Variants in NTRK1 observed in about 807,000 individuals in gnomAD.
NTRK1 encodes high affinity nerve growth factor receptor.
Under a neutral mutation model 86.8 loss-of-function variants are expected in NTRK1, and 62 were observed. The observed-to-expected ratio is 0.71, with a 90% CI of 0.58 to 0.88. The LOEUF is 0.88. NTRK1 is among the 40% of genes least tolerant of loss of function. The probability of loss-of-function intolerance (pLI) is 0.00; values close to 1 mark genes in which losing one functional copy is unlikely to be tolerated. For synonymous variants in NTRK1, 469 were observed against 456.6 expected (o/e 1.03, Z -0.35); for missense variants, 967 against 1,078.4 (o/e 0.90, Z 1.45).
In NTRK1 at chr1:156,845,307, C is replaced by A. The variant is rs777858591; in HGVS notation, c.50+3114C>A. On this transcript the variant is annotated intron_variant, in intron 2 of 16. Coordinates refer to the NTRK1 transcript ENST00000392302. ...TGCCGCCCTGAGTCCCTGGGGAGAG[C>A]GAGTCAGAGCCAAGGCCCAGCCCCC... The A allele has an allele frequency of 3.7e-6, 6 of 1,611,888 alleles. No homozygotes were observed. In the South Asian group the frequency reaches 6.6e-5, roughly 18 times the overall value.
rs1647858043 is a variant in NTRK1 at position 156,875,647 on chromosome 1, A to ACAATACTT, written c.1485_1492dup (p.Ser498AsnfsTer52). 2 of 1,613,048 alleles carry ACAATACTT rather than the reference A, an allele frequency of 1.2e-6. No individual in the cohort carries two copies. Among genetic ancestry groups the ACAATACTT allele is most frequent in the African/African-American group, 2.7e-5 (2 of 74,760 alleles). On this transcript the variant is annotated frameshift_variant, in exon 12 of 17. Coordinates refer to ENST00000524377, the MANE Select transcript of NTRK1 (RefSeq NM_002529.4). LOFTEE classifies it high-confidence loss of function. ...TCCAAGGCCACATCATCGAGAACCC[A>ACAATACTT]CAATACTTCAGTGATGCCTGTGAGG...
chr1:156,880,372 C>T (rs1648188103), intron 16 of NTRK1: 1 of 605,316 alleles, frequency 1.7e-6, no homozygotes, highest in Non-Finnish European at 2.9e-6. Context: ...TAAGCCCAGG[C>T]CCAGTTGGCC....
chr1:156,838,926 G>A (rs1654668453), intron 1 of NTRK1, among the ~76,000 whole-genome samples: 1 of 152,266 alleles, frequency 6.6e-6, no homozygotes, highest in South Asian at 2.1e-4. Context: ...CTCTGTGTGA[G>A]TGTGCAGGTC....
At chr1:156,826,208 C>G (rs1318608722) in intron 1 of NTRK1, among the ~76,000 whole-genome samples, 3 of 151,842 alleles carry the variant, frequency 2.0e-5, no homozygotes, top group Non-Finnish European at 4.4e-5. Context: ...ATGGAATTGC[C>G]CTGAGAAGAC....
At chr1:156,844,373 G>A in intron 2 of NTRK1, 2 of 1,561,938 alleles carry the variant, frequency 1.3e-6, no homozygotes, top group Non-Finnish European at 8.8e-7. Flanking sequence ...GGTGAGGATG[G>A]GGAGGGATGC....
At chr1:156,822,594 G>A (rs1571639370) in intron 1 of NTRK1, among the ~76,000 whole-genome samples, 1 of 135,424 alleles carries the variant, frequency 7.4e-6, no homozygotes, top group East Asian at 2.1e-4. Context: ...CTCAAAGACC[G>A]AGGCTAAAAG....
intron 2 of NTRK1, chr1:156,853,749 C>T (rs916089222): frequency 1.9e-6 from 3 of 1,593,586 alleles, no homozygotes; most frequent in Non-Finnish European, 2.6e-6. Flanking sequence ...TGCCAGTGCC[C>T]ACCTCTCTGG....
chr1:156,847,069 C>CCT (rs1168294000), intron 2 of NTRK1, among the ~76,000 whole-genome samples: 2 of 152,116 alleles, frequency 1.3e-5, no homozygotes, highest in Non-Finnish European at 2.9e-5. Context: ...GAAAGAGTCC[C>CCT]CTCTCCTAGA....
intron 2 of NTRK1, chr1:156,852,323 A>T: frequency 1.1e-6 from 1 of 879,936 alleles, no homozygotes; most frequent in Non-Finnish European, 1.7e-6. Flanking sequence ...TTCAGATGAC[A>T]CTGGTTGCCG....
upstream of NTRK1, among the ~76,000 whole-genome samples, chr1:156,859,580 C>T (rs1350992159): frequency 6.6e-6 from 1 of 152,148 alleles, no homozygotes; most frequent in African/African-American, 2.4e-5. This position sits in a 1 kb window ranked among gnomAD's most constrained non-coding sequence, Gnocchi z 6.2. Flanking sequence ...TTGGAGACCC[C>T]TTAGCGCCAG....
rs200226527 is a variant in NTRK1, at chr1:156,869,016, CTCCCTTCCTTCCTTCCTTCCTTCCTTCCT to C, written c.717+373_717+401del. Among the ~76,000 whole-genome samples, 176 of 122,532 alleles carry C rather than the reference CTCCCTTCCTTCCTTCCTTCCTTCCTTCCT, an allele frequency of 1.4e-3. 4 individuals are homozygous for C. In the South Asian group the frequency reaches 0.021, roughly 15 times the overall value. The allele number at this position is 122,532 out of a possible 152,430, so 80.4% of individuals were successfully genotyped here. A position where few individuals can be genotyped will look rare whatever the true frequency, so the allele number is the denominator to read the frequency against. On this transcript the variant is annotated intron_variant, in intron 6 of 16. Transcript: ENST00000524377. ...TCCCTCCCGTACATCACTTTTCTCT[CTCCCTTCCTTCCTTCCTTCCTTCCTTCCT>C]TCCTTCCTTCCTTCCTTCCTTCCTT...
chr1:156,826,293 CTT>C (rs386368405), intron 1 of NTRK1, among the ~76,000 whole-genome samples: 1 of 88,436 alleles, frequency 1.1e-5, no homozygotes, highest in South Asian at 4.8e-4. Context: ...GACTTGAGCT[CTT>C]TTTTTTTTTT....
chr1:156,856,884 A>G (rs997374881), upstream of NTRK1, among the ~76,000 whole-genome samples: 1 of 152,054 alleles, frequency 6.6e-6, no homozygotes, highest in African/African-American at 2.4e-5. Flanking sequence ...CTTGCTCCCA[A>G]GAGGACCTTC....
Position 156,881,643 on chromosome 1 carries a change from G to A in NTRK1, c.*1G>A, listed in dbSNP as rs2102931678. ...TGTCTACCTGGATGTCCTGGGCTAG[G>A]GGGCCGGCCCAGGGGCTGGGAGTGG... On this transcript the variant is annotated 3_prime_UTR_variant, in exon 17 of 17. Coordinates refer to ENST00000524377, the MANE Select transcript of NTRK1 (RefSeq NM_002529.4). 1 of 1,602,800 alleles carries A rather than the reference G, an allele frequency of 6.2e-7. No individual in the cohort carries two copies. Among genetic ancestry groups the A allele is most frequent in the South Asian group, 1.1e-5 (1 of 89,152 alleles).
At chr1:156,864,955 C>T (rs1655857802) in intron 3 of NTRK1, 156 bp downstream of exon 3, 1 of 742,172 alleles carries the variant, frequency 1.3e-6, no homozygotes, top group Middle Eastern at 3.3e-4. Flanking sequence ...CTCCCATCTC[C>T]CTCAGGGATG....
intron 2 of NTRK1, chr1:156,844,078 C>A: frequency 3.5e-6 from 3 of 851,564 alleles, no homozygotes; most frequent in Non-Finnish European, 1.9e-6. Context: ...GTATGGAAGA[C>A]CTGTCTTTCT....
At chr1:156,871,586 A>G in intron 6 of NTRK1, 37 bp from the exon 7 acceptor site, 1 of 1,613,420 alleles carries the variant, frequency 6.2e-7, no homozygotes, top group Non-Finnish European at 8.5e-7. Flanking sequence ...AGCTGGCTAA[A>G]GCTCCTTCTT....
intron 2 of NTRK1, chr1:156,846,770 C>T (rs778294936): frequency 2.3e-5 from 37 of 1,602,890 alleles, no homozygotes; most frequent in Non-Finnish European, 2.9e-5. Flanking sequence ...GAACACCCAT[C>T]CCCAGAGCTG....
At chr1:156,816,622 G>T in intron 1 of NTRK1, 1 of 1,572,896 alleles carries the variant, frequency 6.4e-7, no homozygotes, top group Non-Finnish European at 8.7e-7. Flanking sequence ...GAGGGCAGGG[G>T]GATGGGGGTC....
Sources: gnomAD v4.1 joint callset for allele counts (sites outside exome capture counted in the v4.1 genomes callset) on GRCh38, gnomAD v4.1.1 for gene constraint, Gnocchi (gnomAD v3.1) non-coding constraint, MANE v1.5 for transcripts, NCBI Gene and HGNC (gene_info 2026-07-23, HGNC 2026-07-21) for gene names.